Variants in PPP1R9A observed in about 807,000 individuals in gnomAD.
The protein encoded by PPP1R9A is neurabin-1.
In PPP1R9A, 59 loss-of-function variants were observed where a neutral mutation model predicts 141.9. The observed-to-expected ratio is 0.42, with a 90% CI of 0.34 to 0.52. The LOEUF is 0.52. Ranked by LOEUF, PPP1R9A falls within the 20% of genes least tolerant of loss-of-function variation. PPP1R9A has a pLI of 0.10. For missense variants in PPP1R9A, 1,444 were observed against 1,611.9 expected (o/e 0.90, Z 1.78); for synonymous variants, 500 against 569.7 (o/e 0.88, Z 1.74).
chr7:95,124,375 G>C (rs958650030), intron 4 of PPP1R9A, among the ~76,000 whole-genome samples: 1 of 151,584 alleles, frequency 6.6e-6, no homozygotes, highest in African/African-American at 2.4e-5. Flanking sequence ...CTCTCTCTTT[G>C]TTCCTTTTTG....
chr7:95,099,779 A>C (rs1216529072), intron 2 of PPP1R9A, among the ~76,000 whole-genome samples: 1 of 152,192 alleles, frequency 6.6e-6, no homozygotes, highest in East Asian at 1.9e-4. Flanking sequence ...ATTGCTTGAA[A>C]GTATTCAGTC....
chr7:95,207,807 A>G (rs2152897630), intron 7 of PPP1R9A, among the ~76,000 whole-genome samples: 1 of 152,324 alleles, frequency 6.6e-6, no homozygotes, highest in Admixed American at 6.5e-5. Context: ...GTAAAATAAA[A>G]CATCTATTTC....
intron 16 of PPP1R9A, among the ~76,000 whole-genome samples, chr7:95,275,330 C>T (rs545912599): frequency 6.6e-6 from 1 of 151,676 alleles, no homozygotes; most frequent in East Asian, 2.0e-4. Context: ...ATTGCTTGAA[C>T]CCGGGAGGCG....
At chr7:95,106,348 G>A (rs1027563885) in intron 2 of PPP1R9A, among the ~76,000 whole-genome samples, 3 of 152,174 alleles carry the variant, frequency 2.0e-5, no homozygotes, top group African/African-American at 7.2e-5. Flanking sequence ...TACATAGCTA[G>A]GGAATTTAGG....
intron 2 of PPP1R9A, among the ~76,000 whole-genome samples, chr7:95,091,976 C>G (rs1389781952): frequency 6.6e-6 from 1 of 151,888 alleles, no homozygotes; most frequent in African/African-American, 2.4e-5. Flanking sequence ...GTTGACTGAC[C>G]TGCCAAAAAA....
intron 4 of PPP1R9A, among the ~76,000 whole-genome samples, chr7:95,159,804 T>TA (rs1830181153): frequency 6.6e-6 from 1 of 151,488 alleles, no homozygotes; most frequent in African/African-American, 2.4e-5. Flanking sequence ...TGCATGCCTG[T>TA]AATCCCAGCT....
intron 2 of PPP1R9A, among the ~76,000 whole-genome samples, chr7:95,028,469 TAACAC>T (rs1028339803): frequency 6.6e-6 from 1 of 152,200 alleles, no homozygotes; most frequent in African/African-American, 2.4e-5. Flanking sequence ...ATTTAAAAAT[TAACAC>T]AACACATTTT....
At chr7:94,976,042 A>T (rs1476181173) in intron 2 of PPP1R9A, among the ~76,000 whole-genome samples, 1 of 152,154 alleles carries the variant, frequency 6.6e-6, no homozygotes, top group Non-Finnish European at 1.5e-5. Flanking sequence ...AGGTTTGGTT[A>T]CAAAATGGTT....
At chr7:95,163,850 C>G (rs755410568) in intron 5 of PPP1R9A, among the ~76,000 whole-genome samples, 5 of 152,160 alleles carry the variant, frequency 3.3e-5, no homozygotes, top group African/African-American at 4.8e-5. Context: ...AGCAGTTCTC[C>G]TGCCTCAGCC....
chr7:95,145,851 T>G (rs149926547), intron 4 of PPP1R9A, among the ~76,000 whole-genome samples: 1,587 of 152,350 alleles, frequency 0.01, 24 homozygotes, highest in African/African-American at 0.037. Context: ...TATGGCTGCA[T>G]AGTAATCCAT....
chr7:94,975,356 G>GTTTTTTTTTTTTTTTTTT (rs68186534), intron 2 of PPP1R9A, among the ~76,000 whole-genome samples: 1 of 120,714 alleles, frequency 8.3e-6, no homozygotes, highest in African/African-American at 2.9e-5. Context: ...GTTTTTTTTT[G>GTTTTTTTTTTTTTTTTTT]TTTTTTTTTT....
intron 5 of PPP1R9A, among the ~76,000 whole-genome samples, chr7:95,192,323 C>T (rs1305943968): frequency 1.3e-5 from 2 of 151,856 alleles, no homozygotes; most frequent in East Asian, 3.8e-4. Context: ...TATGCAGTTT[C>T]ACCATGGCCT....
At chr7:95,053,205 T>C (rs903747024) in intron 2 of PPP1R9A, among the ~76,000 whole-genome samples, 3 of 152,196 alleles carry the variant, frequency 2.0e-5, no homozygotes, top group East Asian at 1.9e-4. Flanking sequence ...AAGAAACTCA[T>C]TGTTAAAAGA....
chr7:95,125,303 A>G, intron 4 of PPP1R9A, among the ~76,000 whole-genome samples: 1 of 151,988 alleles, frequency 6.6e-6, no homozygotes, highest in East Asian at 1.9e-4. Context: ...TGAAACCTTT[A>G]CTTGGGCTTA....
Position 95,070,128 on chromosome 7 carries a change from T to C in PPP1R9A, c.1396-41131T>C, listed in dbSNP as rs115797674. Among the ~76,000 whole-genome samples the C allele has an allele frequency of 4.1e-3, 619 of 152,274 alleles. 8 individuals are homozygous for C. The highest frequency in any genetic ancestry group is 0.014 in the African/African-American group (588 of 41,568). ...CAGAAAATCTGTGCATATCACAGGT[T>C]TCCAGGCTATTGGCTTACTTGGTTT... On this transcript the variant is annotated intron_variant, in intron 2 of 19. Coordinates refer to ENST00000433360, the MANE Select transcript of PPP1R9A (RefSeq NM_001166160.2).
intron 16 of PPP1R9A, among the ~76,000 whole-genome samples, chr7:95,279,667 AC>A (rs59106421): frequency 0.036 from 5,476 of 152,272 alleles, 274 homozygotes; most frequent in African/African-American, 0.11. Context: ...GTGACTCTAA[AC>A]GTCCCAATAT....
chr7:95,092,882 G>A (rs1056782234), intron 2 of PPP1R9A, among the ~76,000 whole-genome samples: 1 of 152,206 alleles, frequency 6.6e-6, no homozygotes, highest in Non-Finnish European at 1.5e-5. Flanking sequence ...TTCTTCCAAA[G>A]TGAGAGAGTG....
rs1425109570 is a variant in PPP1R9A at position 95,290,388 on chromosome 7, G to T, written c.*85G>T. ...CTGCTCTCCTCCAGAGGATGAAAAA[G>T]AAACTAAATGATAAGGGTAATGCGG... is the stretch of plus-strand genomic sequence containing the variant. On this transcript the variant is annotated 3_prime_UTR_variant, in exon 20 of 20. Transcript: ENST00000433360. 1.3e-5 allele frequency: 18 copies of T among 1,399,112 alleles called. No individual in the cohort carries two copies. The Admixed American group carries it at 4.5e-4, about 35-fold the overall frequency. The allele number at this position is 1,399,112 out of a possible 1,614,324, so 86.7% of individuals were successfully genotyped here.
intron 2 of PPP1R9A, among the ~76,000 whole-genome samples, chr7:94,920,891 A>G (rs1792707067): frequency 6.6e-6 from 1 of 152,156 alleles, no homozygotes; most frequent in African/African-American, 2.4e-5. Flanking sequence ...CTGTTGCTGT[A>G]TAGTAAGATG....
Sources: gnomAD v4.1 joint callset for allele counts (sites outside exome capture counted in the v4.1 genomes callset) on GRCh38, gnomAD v4.1.1 for gene constraint, MANE v1.5 for transcripts, NCBI Gene and HGNC (gene_info 2026-07-23, HGNC 2026-07-21) for gene names.